The following GPR89B variants were observed in gnomAD, a reference collection of about 807,000 sequenced individuals.
GPR89B encodes the protein G protein-coupled receptor 89B.
Under a neutral mutation model 52.4 loss-of-function variants are expected in GPR89B, and 25 were observed. The ratio of observed to expected loss-of-function variants is 0.48; its 90% CI spans 0.35 to 0.67. The LOEUF is 0.67. GPR89B is among the 30% of genes least tolerant of loss of function. GPR89B has a pLI of 0.01. For synonymous variants in GPR89B, 52 were observed against 151.2 expected, an observed-to-expected ratio of 0.34 and a Z score of 4.81; for missense variants, 146 against 450.2, an observed-to-expected ratio of 0.32 and a Z score of 6.11.
At position 147,949,837 on chromosome 1, in the gene GPR89B, G is replaced by A. The variant is rs587728984; in HGVS notation, c.416-3508G>A. Among the ~76,000 whole-genome samples, 142 of 143,378 alleles carry A rather than the reference G, an allele frequency of 9.9e-4. 1 individual carries two copies. Among genetic ancestry groups the A allele is most frequent in the Non-Finnish European group, 1.7e-3 (111 of 65,988 alleles). The allele number at this position is 143,378 out of a possible 152,430, so 94.1% of individuals were successfully genotyped here. A position where few individuals can be genotyped will look rare whatever the true frequency, so the allele number is the denominator to read the frequency against. ...TCCCTCCCGGACGGGGCAGCTTGCCGGGCAGAGGGGCTCCTCACTTCCCAG... is the reference window on the plus strand; with the variant it reads ...TCCCTCCCGGACGGGGCAGCTTGCCAGGCAGAGGGGCTCCTCACTTCCCAG... On this transcript the variant is annotated intron_variant, in intron 5 of 13. Transcript: ENST00000314163.
intron 9 of GPR89B, 185 bp from the exon 10 acceptor site, chr1:147,969,682 C>T (rs1657279861): frequency 1.2e-5 from 7 of 596,178 alleles, no homozygotes; most frequent in Non-Finnish European, 2.1e-5. Flanking sequence ...ATGTTTATCC[C>T]AGTCTCTAGC....
chr1:147,977,017 G>A (rs1161260836), intron 10 of GPR89B, among the ~76,000 whole-genome samples: 1 of 151,466 alleles, frequency 6.6e-6, no homozygotes, highest in Admixed American at 6.6e-5. Flanking sequence ...GGCAGATCAC[G>A]AGGTCAGAAG....
intron 10 of GPR89B, among the ~76,000 whole-genome samples, chr1:147,983,438 G>C (rs1658419896): frequency 1.3e-5 from 2 of 151,998 alleles, no homozygotes; most frequent in South Asian, 4.1e-4. Flanking sequence ...CTGACAGAGG[G>C]CTAATATCCA....
intron 10 of GPR89B, among the ~76,000 whole-genome samples, chr1:147,970,492 TCTCTC>T (rs1229800004): frequency 1.5e-4 from 7 of 46,050 alleles, no homozygotes; most frequent in African/African-American, 8.2e-4. Context: ...TGAGACTCCA[TCTCTC>T]TCTCTCTCTC....
At chr1:147,937,773 C>T (rs1654212777) in intron 2 of GPR89B, among the ~76,000 whole-genome samples, 1 of 152,176 alleles carries the variant, frequency 6.6e-6, no homozygotes, top group African/African-American at 2.4e-5. Flanking sequence ...GCACTAATTT[C>T]ATATTGTTCA....
the GPR89B span, among the ~76,000 whole-genome samples, chr1:148,002,028 C>G: frequency 1.3e-5 from 2 of 149,204 alleles, no homozygotes; most frequent in African/African-American, 5.0e-5. Context: ...GGTATCTTCA[C>G]CAGATGCTGC....
the GPR89B span, chr1:148,014,862 G>A: frequency 3.2e-4 from 49 of 151,906 alleles, no homozygotes; most frequent in Non-Finnish European, 5.3e-4. Flanking sequence ...CGAGGGGCAG[G>A]ACGGGGGGAA....
intron 12 of GPR89B, among the ~76,000 whole-genome samples, chr1:147,991,223 G>T (rs1384577351): frequency 6.6e-6 from 1 of 151,768 alleles, no homozygotes; most frequent in South Asian, 2.1e-4. Context: ...GTGAATGGGC[G>T]TTCACTCATG....
intron 7 of GPR89B, among the ~76,000 whole-genome samples, chr1:147,963,244 C>T (rs1374388487): frequency 1.8e-4 from 27 of 150,652 alleles, no homozygotes; most frequent in South Asian, 4.2e-4. Flanking sequence ...GGCGTGGTGG[C>T]GGGCACCTGT....
chr1:148,010,680 C>T, the GPR89B span: 2 of 152,138 alleles, frequency 1.3e-5, no homozygotes, highest in African/African-American at 4.8e-5. Flanking sequence ...TGGGAAACAC[C>T]AAGGCATGGG....
chr1:147,983,979 A>G (rs1658467112), intron 10 of GPR89B, among the ~76,000 whole-genome samples: 1 of 151,664 alleles, frequency 6.6e-6, no homozygotes, highest in South Asian at 2.1e-4. Flanking sequence ...CATATACACC[A>G]TGGAATACTA....
chr1:148,002,395 A>G, the GPR89B span, among the ~76,000 whole-genome samples: 9 of 151,956 alleles, frequency 5.9e-5, no homozygotes, highest in Non-Finnish European at 1.0e-4. Flanking sequence ...CACCTTACCT[A>G]CTGCTTTCCC....
chr1:147,988,323 G>T, intron 11 of GPR89B, 109 bp from the exon 12 acceptor site: 1 of 1,449,464 alleles, frequency 6.9e-7, no homozygotes, highest in South Asian at 1.1e-5. Context: ...ATCAGGTAGG[G>T]TCTAATAAAG....
the GPR89B span, among the ~76,000 whole-genome samples, chr1:147,999,405 G>A: frequency 2.7e-5 from 4 of 148,742 alleles, no homozygotes; most frequent in East Asian, 4.0e-4. Context: ...TCAGGAGATC[G>A]AGACCATCCT....
intron 5 of GPR89B, among the ~76,000 whole-genome samples, chr1:147,952,937 A>C (rs1655834016): frequency 6.6e-6 from 1 of 151,586 alleles, no homozygotes; most frequent in Admixed American, 6.6e-5. Flanking sequence ...TATATATCAA[A>C]GATAATTAGC....
intron 7 of GPR89B, among the ~76,000 whole-genome samples, chr1:147,954,619 AC>A (rs1421073873): frequency 6.6e-6 from 1 of 152,180 alleles, no homozygotes; most frequent in African/African-American, 2.4e-5. Context: ...GAAGTTCGAG[AC>A]TAGCCTGGGT....
At chr1:147,962,538 G>A (rs1656664036) in intron 7 of GPR89B, among the ~76,000 whole-genome samples, 2 of 151,934 alleles carry the variant, frequency 1.3e-5, no homozygotes, top group East Asian at 3.9e-4. Flanking sequence ...ACCAAATGGT[G>A]CTAGAGCAAT....
chr1:147,933,553 C>A (rs1243336168), intron 1 of GPR89B, among the ~76,000 whole-genome samples: 3 of 151,956 alleles, frequency 2.0e-5, no homozygotes, highest in African/African-American at 7.3e-5. Flanking sequence ...TTAGTGTGTT[C>A]AAAAATGAGC....
downstream of GPR89B, among the ~76,000 whole-genome samples, chr1:147,994,518 TAAA>T (rs1275866638): frequency 6.6e-6 from 1 of 151,648 alleles, no homozygotes; most frequent in Non-Finnish European, 1.5e-5. Flanking sequence ...ATAAATCAAG[TAAA>T]AAGTTTATCA....
Sources: gnomAD v4.1 joint callset for allele counts (sites outside exome capture counted in the v4.1 genomes callset) on GRCh38, gnomAD v4.1.1 for gene constraint, MANE v1.5 for transcripts, NCBI Gene and HGNC (gene_info 2026-07-23, HGNC 2026-07-21) for gene names.